LY75: variants seen among roughly 807,000 people sequenced by gnomAD.
The protein encoded by LY75 is C-type lectin domain family 13 member B.
LY75 carries 185 observed loss-of-function variants against 231.7 expected under a neutral mutation model. The observed-to-expected ratio is 0.80, with a 90% CI of 0.71 to 0.90. The LOEUF is 0.90. LY75 is among the 40% of genes least tolerant of loss of function. The pLI, the probability that LY75 is intolerant of heterozygous loss-of-function variation, is 0.00. For synonymous variants in LY75, 668 were observed against 689.0 expected (o/e 0.97, Z 0.48); for missense variants, 1,947 against 2,050.2 (o/e 0.95, Z 0.97).
intron 3 of LY75, among the ~76,000 whole-genome samples, chr2:159,890,901 G>C (rs1685733236): frequency 2.0e-5 from 3 of 152,060 alleles, no homozygotes; most frequent in Non-Finnish European, 4.4e-5. Context: ...AAGAATATAT[G>C]ATATGTAATT....
At chr2:159,846,217 G>GA (rs201756222) in intron 23 of LY75, among the ~76,000 whole-genome samples, 3 of 151,700 alleles carry the variant, frequency 2.0e-5, no homozygotes, top group Admixed American at 6.6e-5. Context: ...TCAGAAAGGG[G>GA]AAAAAAAAAA....
chr2:159,830,788 G>T (rs994711051), intron 28 of LY75, among the ~76,000 whole-genome samples: 4 of 152,024 alleles, frequency 2.6e-5, no homozygotes, highest in African/African-American at 9.7e-5. Flanking sequence ...CACCATGTTG[G>T]CCAGGCTGGT....
chr2:159,828,308 C>T (rs2729702), intron 28 of LY75, among the ~76,000 whole-genome samples: 61,364 of 150,426 alleles, frequency 0.41, 14,135 homozygotes, highest in Non-Finnish European at 0.52. Flanking sequence ...TCTTACCCCT[C>T]GACAATAAAA....
At chr2:159,840,685 C>T (rs377257748) in intron 25 of LY75, 44 bp downstream of exon 25, 106 of 1,611,856 alleles carry the variant, frequency 6.6e-5, no homozygotes, top group Middle Eastern at 1.7e-4. Context: ...TAAAAAATGT[C>T]GCTTTCCATC....
intron 12 of LY75, among the ~76,000 whole-genome samples, chr2:159,873,142 A>T (rs1425503987): frequency 2.3e-5 from 2 of 85,536 alleles, no homozygotes; most frequent in Non-Finnish European, 5.8e-5. Flanking sequence ...AAAAGAAAGA[A>T]GAAGAAAGAA....
At chr2:159,839,252 T>A (rs915175472) in intron 25 of LY75, among the ~76,000 whole-genome samples, 6 of 152,186 alleles carry the variant, frequency 3.9e-5, no homozygotes, top group Non-Finnish European at 8.8e-5. Flanking sequence ...TTTCCATGCA[T>A]CCCTAGACCC....
chr2:159,892,572 A>T (rs896403813), intron 3 of LY75, among the ~76,000 whole-genome samples: 1 of 152,212 alleles, frequency 6.6e-6, no homozygotes, highest in Non-Finnish European at 1.5e-5. Flanking sequence ...AGTATTAACT[A>T]TTATTACTTA....
chr2:159,877,317 A>G (rs2125873233), intron 11 of LY75, among the ~76,000 whole-genome samples: 1 of 152,338 alleles, frequency 6.6e-6, no homozygotes, highest in South Asian at 2.1e-4. Flanking sequence ...ACACAATAAA[A>G]TATAAATAAT....
chr2:159,845,694 T>C (rs186176575), intron 23 of LY75, among the ~76,000 whole-genome samples: 3 of 150,136 alleles, frequency 2.0e-5, no homozygotes, highest in South Asian at 2.1e-4. Flanking sequence ...AGGATGTAGG[T>C]TAAAAAATTT....
At chr2:159,826,953 T>A (rs1458271401) in intron 28 of LY75, among the ~76,000 whole-genome samples, 1 of 151,984 alleles carries the variant, frequency 6.6e-6, no homozygotes, top group East Asian at 1.9e-4. Context: ...TATACAAAAA[T>A]AAACTCAAGA....
rs1181253246 is a variant in LY75 at position 159,878,698 on chromosome 2, G to C, written c.1539C>G (p.Thr513=). The C allele has an allele frequency of 3.7e-6, 6 of 1,613,858 alleles. No individual in the cohort carries two copies. The highest frequency in any genetic ancestry group is 1.7e-6 in the Non-Finnish European group (2 of 1,179,922). The change falls in exon 10 of 35, where the codon ACC becomes ACG. Residue 513 remains threonine (T), a synonymous_variant. Coordinates refer to ENST00000263636, the MANE Select transcript of LY75 (RefSeq NM_002349.4). ...CCTCATCCTCATAAATCTTGTAACA[G>C]GTTTCTCCATGTCTCTTCCAGCCCT... ...PDEGWKRHGE[T]CYKIYEDEVP...
intron 23 of LY75, among the ~76,000 whole-genome samples, chr2:159,846,826 A>G (rs1436557876): frequency 6.6e-6 from 1 of 152,206 alleles, no homozygotes; most frequent in Non-Finnish European, 1.5e-5. Context: ...AGGGTTTGAT[A>G]GATAAATTTG....
intron 6 of LY75, among the ~76,000 whole-genome samples, chr2:159,884,746 T>C (rs1685535581): frequency 6.6e-6 from 1 of 152,168 alleles, no homozygotes; most frequent in Admixed American, 6.6e-5. Context: ...GACCCCATCC[T>C]GTAGTTTCTG....
At chr2:159,824,277 C>A (rs1006981143) in intron 28 of LY75, among the ~76,000 whole-genome samples, 22 of 151,624 alleles carry the variant, frequency 1.5e-4, no homozygotes, top group African/African-American at 5.1e-4. Context: ...ATTTACCAAG[C>A]AAATGGAAAA....
intron 13 of LY75, 112 bp from the exon 14 acceptor site, chr2:159,865,032 A>G: frequency 5.2e-6 from 5 of 959,318 alleles, no homozygotes; most frequent in Non-Finnish European, 5.7e-6. Flanking sequence ...AGCAACATAA[A>G]GAAGTCTTTT....
intron 25 of LY75, among the ~76,000 whole-genome samples, chr2:159,836,500 C>T (rs187220074): frequency 3.4e-4 from 52 of 152,294 alleles, no homozygotes; most frequent in Non-Finnish European, 6.0e-4. Flanking sequence ...TCTGAGCTTC[C>T]CCATGGTGCT....
intron 11 of LY75, among the ~76,000 whole-genome samples, chr2:159,877,209 T>G (rs1334092623): frequency 2.0e-5 from 3 of 152,140 alleles, no homozygotes; most frequent in African/African-American, 7.2e-5. Flanking sequence ...TCCTAACTTT[T>G]GTGGGCATTT....
At chr2:159,828,677 C>T (rs1004089037) in intron 28 of LY75, among the ~76,000 whole-genome samples, 2 of 152,032 alleles carry the variant, frequency 1.3e-5, no homozygotes, top group South Asian at 2.1e-4. Context: ...AAAACTTGTA[C>T]GTGAATGTTC....
chr2:159,806,906 A>G (rs2125825780), intron 34 of LY75, 67 bp downstream of exon 34: 1 of 1,519,690 alleles, frequency 6.6e-7, no homozygotes. Flanking sequence ...TTTGTACATA[A>G]TTGGATTGTA....
Sources: gnomAD v4.1 joint callset for allele counts (sites outside exome capture counted in the v4.1 genomes callset) on GRCh38, gnomAD v4.1.1 for gene constraint, MANE v1.5 for transcripts, NCBI Gene and HGNC (gene_info 2026-07-23, HGNC 2026-07-21) for gene names.